The following MTUS1 variants were observed in gnomAD, a reference collection of about 807,000 sequenced individuals.
MTUS1 encodes microtubule associated scaffold protein 1.
In MTUS1, 109 loss-of-function variants were observed where a neutral mutation model predicts 120.8. The observed-to-expected ratio is 0.90, with a 90% CI of 0.77 to 1.06. The LOEUF (loss-of-function observed/expected upper bound fraction) is 1.06, where lower values mean the gene tolerates loss of function less well. MTUS1 is among the 50% of genes least tolerant of loss of function. MTUS1 has a pLI of 0.00. For missense variants in MTUS1, 2,210 were observed against 1,486.3 expected, an observed-to-expected ratio of 1.49 and a Z score of -8.01; for synonymous variants, 737 against 550.5, an observed-to-expected ratio of 1.34 and a Z score of -4.74.
chr8:17,739,370 G>A (rs1199870546), intron 3 of MTUS1, among the ~76,000 whole-genome samples: 2 of 152,098 alleles, frequency 1.3e-5, no homozygotes, highest in East Asian at 1.9e-4. Context: ...GTTCATGCCT[G>A]TAATCCCAGC....
chr8:17,684,547 A>G lies in MTUS1; in HGVS notation c.2624-5T>C. The stretch of plus-strand genomic sequence containing the variant: ...TCTTTTGCCTGCTCTTTTCAACTGC[A>G]AAACGAATTAACATAGGTACAAAGA... On this transcript the variant is annotated splice_region_variant and splice_polypyrimidine_tract_variant and intron_variant, in intron 6 of 14. Coordinates refer to ENST00000693296, the MANE Select transcript of MTUS1 (RefSeq NM_001363059.2). The G allele has an allele frequency of 6.2e-7, 1 of 1,610,606 alleles. No homozygotes were observed. The highest frequency in any genetic ancestry group is 2.2e-5 in the East Asian group (1 of 44,872).
chr8:17,701,383 G>C (rs999325461), intron 6 of MTUS1, among the ~76,000 whole-genome samples: 15 of 152,076 alleles, frequency 9.9e-5, no homozygotes, highest in African/African-American at 3.6e-4. Flanking sequence ...AAAGCAATTA[G>C]AAAAACAATC....
intron 1 of MTUS1, among the ~76,000 whole-genome samples, chr8:17,774,891 G>C (rs1052022891): frequency 6.8e-6 from 1 of 147,546 alleles, no homozygotes; most frequent in African/African-American, 2.5e-5. Flanking sequence ...TATACATACA[G>C]TGGAATATTA....
In MTUS1 at chr8:17,645,134, G is replaced by A. The variant is rs554812696; in HGVS notation, c.*792C>T. 6.6e-6 allele frequency: 1 copy of A among 152,402 alleles called. No individual in the cohort carries two copies. Among genetic ancestry groups the A allele is most frequent in the South Asian group, 2.1e-4 (1 of 4,796 alleles). 9.4% of individuals were successfully genotyped at this position (152,402 alleles called of 1,614,324 possible). A position where few individuals can be genotyped will look rare whatever the true frequency, so the allele number is the denominator to read the frequency against. ...ACATAGCCTGAGAAAATGAATTACA[G>A]GATAGTGTTAGGCTCACATGGGTAA... is the stretch of plus-strand genomic sequence containing the variant. On this transcript the variant is annotated 3_prime_UTR_variant, in exon 15 of 15. Coordinates refer to ENST00000693296, the MANE Select transcript of MTUS1 (RefSeq NM_001363059.2).
intron 6 of MTUS1, among the ~76,000 whole-genome samples, chr8:17,704,343 T>A (rs1389913580): frequency 6.6e-6 from 1 of 152,210 alleles, no homozygotes; most frequent in Non-Finnish European, 1.5e-5. Context: ...TTTGGTGTCA[T>A]ACCAAGAAAA....
intron 12 of MTUS1, among the ~76,000 whole-genome samples, chr8:17,650,215 T>C (rs1806693612): frequency 6.6e-6 from 1 of 152,196 alleles, no homozygotes; most frequent in Admixed American, 6.5e-5. Flanking sequence ...TCAAACATGT[T>C]ATTGTATCAA....
chr8:17,719,437 A>G (rs1289642434), intron 4 of MTUS1, among the ~76,000 whole-genome samples: 1 of 152,248 alleles, frequency 6.6e-6, no homozygotes, highest in Non-Finnish European at 1.5e-5. Flanking sequence ...ACTATATAAT[A>G]ACAAGAATGT....
rs951635326 is a variant in MTUS1 at position 17,680,495 on chromosome 8, A to C, written c.2838+3833T>G. ...AAAAAAAAAAAAAAAAAAAAAAAAA[A>C]AGCGGGTTCTGGAGCTGTATTCAGT... On this transcript the variant is annotated intron_variant, in intron 7 of 14. Transcript: ENST00000693296. Among the ~76,000 whole-genome samples the C allele has an allele frequency of 6.2e-4, 80 of 128,094 alleles. 1 individual carries two copies. The highest frequency in any genetic ancestry group is 9.5e-3 in the Middle Eastern group (2 of 210). 84.0% of individuals were successfully genotyped at this position (128,094 alleles called of 152,430 possible).
rs1554533204 is a variant in MTUS1 at position 17,767,700 on chromosome 8, T to TAAGAAAAAAAAAAAAAAAAA, written c.-154-11740_-154-11739insTTTTTTTTTTTTTTTTTCTT. ...GGTGATAGAGCAAGACCCTGTCTCTTAAAAAAAAAAAAAAAAAACGGTGTG... is the reference window on the plus strand; with the variant it reads ...GGTGATAGAGCAAGACCCTGTCTCTTAAGAAAAAAAAAAAAAAAAAAAAAAAAAAAAAAAAAAACGGTGTG... On this transcript the variant is annotated intron_variant, in intron 1 of 14. Coordinates refer to ENST00000693296, the MANE Select transcript of MTUS1 (RefSeq NM_001363059.2). Among the ~76,000 whole-genome samples the TAAGAAAAAAAAAAAAAAAAA allele has an allele frequency of 1.4e-4, 12 of 87,884 alleles. 1 individual carries two copies. Among genetic ancestry groups the TAAGAAAAAAAAAAAAAAAAA allele is most frequent in the African/African-American group, 6.1e-4 (12 of 19,626 alleles). 57.7% of individuals were successfully genotyped at this position (87,884 alleles called of 152,430 possible).
intron 12 of MTUS1, 142 bp from the exon 13 acceptor site, chr8:17,650,104 T>G (rs2130085144): frequency 1.5e-6 from 1 of 678,070 alleles, no homozygotes; most frequent in Non-Finnish European, 2.6e-6. Context: ...AAGAAAGAGG[T>G]GAAAAACAAG....
chr8:17,709,777 G>A (rs930797855), intron 6 of MTUS1, among the ~76,000 whole-genome samples: 1 of 152,122 alleles, frequency 6.6e-6, no homozygotes, highest in African/African-American at 2.4e-5. Flanking sequence ...GGGAGGCCGA[G>A]GCAGGTGGAT....
At position 17,754,738 on chromosome 8, in the gene MTUS1, A is replaced by G. The variant is rs1586185714; in HGVS notation, c.1070T>C (p.Phe357Ser). ...CAGCACTTGAGCTTCGCTCTTATCAAAAGCTGGCACCATTAAAGGGCATTC... is the reference window on the plus strand; with the variant it reads ...CAGCACTTGAGCTTCGCTCTTATCAGAAGCTGGCACCATTAAAGGGCATTC... ...DDECPLMVPA[F>S]DKSEAQVLNP... The change falls in exon 2 of 15, where the codon TTT (phenylalanine) becomes TCT (serine). Residue 357 changes from phenylalanine to serine, a missense_variant. Transcript: ENST00000693296. The G allele has an allele frequency of 6.2e-7, 1 of 1,614,250 alleles. No homozygotes were observed. The highest frequency in any genetic ancestry group is 1.6e-4 in the Middle Eastern group (1 of 6,062).
chr8:17,719,977 T>G (rs1479425522), intron 4 of MTUS1, among the ~76,000 whole-genome samples: 2 of 151,652 alleles, frequency 1.3e-5, no homozygotes, highest in South Asian at 2.1e-4. Flanking sequence ...CCCTTGTCAT[T>G]GATCAGAGGA....
chr8:17,731,754 G>A (rs1225652560), intron 3 of MTUS1, among the ~76,000 whole-genome samples: 1 of 152,126 alleles, frequency 6.6e-6, no homozygotes, highest in Admixed American at 6.5e-5. Context: ...CCAAATATAA[G>A]TGAGCGAAAG....
At chr8:17,680,646 A>T (rs919576812) in intron 7 of MTUS1, among the ~76,000 whole-genome samples, 1 of 152,122 alleles carries the variant, frequency 6.6e-6, no homozygotes. Flanking sequence ...CTCTCTGTAG[A>T]TCCAACCCAG....
chr8:17,719,487 G>A (rs1449556021), intron 4 of MTUS1, among the ~76,000 whole-genome samples: 3 of 152,180 alleles, frequency 2.0e-5, no homozygotes, highest in Admixed American at 2.0e-4. Context: ...GAGAAAGAAC[G>A]AGAACAAAGT....
At chr8:17,753,264 G>A (rs970813274) in intron 2 of MTUS1, among the ~76,000 whole-genome samples, 2 of 152,086 alleles carry the variant, frequency 1.3e-5, no homozygotes, top group Non-Finnish European at 2.9e-5. Context: ...CTACTTCCCA[G>A]AGCTGCCTCC....
chr8:17,646,121 C>A lies in MTUS1; in HGVS notation c.3618G>T (p.Gln1206His). 6.2e-7 allele frequency: 1 copy of A among 1,612,594 alleles called. No individual in the cohort carries two copies. The highest frequency in any genetic ancestry group is 8.5e-7 in the Non-Finnish European group (1 of 1,179,510). ...TCTCCAGCGACTCTTGCAGAACAGC[C>A]TGCTCCGTGGAAAGCTGCCTTGAAG... ...MAISRQLSTEQAVLQESLEKE... is the reference protein window; with the variant it reads ...MAISRQLSTEHAVLQESLEKE... Residue 1206 changes from glutamine (Q) to histidine (H), a missense_variant, in exon 15 of 15, where the codon CAG becomes CAT. By Grantham distance (24) the Gln-to-His change is conservative. Coordinates refer to ENST00000693296, the MANE Select transcript of MTUS1 (RefSeq NM_001363059.2).
rs2131343897 is a variant in MTUS1 at position 17,755,174 on chromosome 8, G to C, written c.634C>G (p.His212Asp). Reference protein sequence around the residue: ...SLSYSTWTSSHSDKTHARETT... With the variant: ...SLSYSTWTSSDSDKTHARETT... ...TCTCTTGCATGCGTCTTATCAGAAT[G>C]GGAAGATGTCCAAGTGGAATAGGAT... is the stretch of plus-strand genomic sequence containing the variant. The change falls in exon 2 of 15, where the codon CAT becomes GAT. Residue 212 changes from histidine to aspartate, a missense_variant. Physicochemically the swap from His to Asp is moderately conservative, Grantham distance 81. Transcript: ENST00000693296. 1.9e-6 allele frequency: 3 copies of C among 1,614,164 alleles called. No individual in the cohort carries two copies. The highest frequency in any genetic ancestry group is 2.2e-5 in the East Asian group (1 of 44,876).
Sources: gnomAD v4.1 joint callset for allele counts (sites outside exome capture counted in the v4.1 genomes callset) on GRCh38, gnomAD v4.1.1 for gene constraint, MANE v1.5 for transcripts, NCBI Gene and HGNC (gene_info 2026-07-23, HGNC 2026-07-21) for gene names.